Variants in SLC12A2 observed in about 807,000 individuals in gnomAD.
SLC12A2 encodes solute carrier family 12 member 2.
In SLC12A2, 67 loss-of-function variants were observed where a neutral mutation model predicts 136.3. The observed-to-expected ratio is 0.49, with a 90% CI of 0.40 to 0.60. SLC12A2 has a LOEUF of 0.60. Ranked by LOEUF, SLC12A2 falls within the 20% of genes least tolerant of loss-of-function variation. The pLI, the probability that SLC12A2 is intolerant of heterozygous loss-of-function variation, is 0.00. For missense variants in SLC12A2, 1,322 were observed against 1,534.7 expected (o/e 0.86, Z 2.32); for synonymous variants, 619 against 562.9 (o/e 1.10, Z -1.41).
At chr5:128,148,179 A>G (rs1031202371) in intron 11 of SLC12A2, among the ~76,000 whole-genome samples, 3 of 151,802 alleles carry the variant, frequency 2.0e-5, no homozygotes, top group African/African-American at 4.8e-5. Context: ...GATGATGTAT[A>G]GGATAGACAT....
intron 10 of SLC12A2, among the ~76,000 whole-genome samples, chr5:128,142,690 G>A (rs1191965304): frequency 6.6e-6 from 1 of 152,042 alleles, no homozygotes; most frequent in Non-Finnish European, 1.5e-5. Flanking sequence ...CCTTGTGCCA[G>A]TACCACACAT....
intron 1 of SLC12A2, among the ~76,000 whole-genome samples, chr5:128,103,271 A>G (rs1231407244): frequency 1.3e-5 from 2 of 152,226 alleles, no homozygotes; most frequent in Non-Finnish European, 2.9e-5. Context: ...CTTCTCAGAC[A>G]GTATGGAGTG....
chr5:128,176,202 A>G (rs1763536515), intron 20 of SLC12A2, among the ~76,000 whole-genome samples: 1 of 152,084 alleles, frequency 6.6e-6, no homozygotes, highest in Non-Finnish European at 1.5e-5. Flanking sequence ...AGTTCAGTGC[A>G]TTAATACTTG....
intron 4 of SLC12A2, among the ~76,000 whole-genome samples, chr5:128,115,310 A>C (rs1350901800): frequency 1.3e-5 from 2 of 152,088 alleles, no homozygotes; most frequent in East Asian, 3.9e-4. Context: ...TTTTTAGTAG[A>C]GATGGCGTTT....
At chr5:128,090,789 G>A (rs1429816540) in intron 1 of SLC12A2, among the ~76,000 whole-genome samples, 3 of 152,160 alleles carry the variant, frequency 2.0e-5, no homozygotes, top group African/African-American at 4.8e-5. Context: ...ACCCTGAGAT[G>A]GGAGTGTGCT....
chr5:128,121,538 G>A (rs1761579498), intron 4 of SLC12A2, among the ~76,000 whole-genome samples: 1 of 151,996 alleles, frequency 6.6e-6, no homozygotes, highest in Non-Finnish European at 1.5e-5. Flanking sequence ...GAGCCAGGAT[G>A]GTCTCGATCT....
intron 17 of SLC12A2, 52 bp from the exon 18 acceptor site, chr5:128,167,709 C>A: frequency 7.7e-7 from 1 of 1,301,892 alleles, no homozygotes; most frequent in Non-Finnish European, 1.1e-6. Context: ...CTTCAGAAAA[C>A]ATTTTGTTGA....
At chr5:128,108,915 A>C (rs1761040405) in intron 1 of SLC12A2, among the ~76,000 whole-genome samples, 1 of 152,200 alleles carries the variant, frequency 6.6e-6, no homozygotes, top group African/African-American at 2.4e-5. Flanking sequence ...AGTACAGTAA[A>C]ATAATCATTG....
chr5:128,103,610 G>T (rs1172665554), intron 1 of SLC12A2, among the ~76,000 whole-genome samples: 1 of 152,138 alleles, frequency 6.6e-6, no homozygotes, highest in African/African-American at 2.4e-5. Flanking sequence ...TATGATATGT[G>T]TCATGAAAGA....
At position 128,171,719 on chromosome 5, in the gene SLC12A2, C is replaced by A. The variant is rs1325423978; in HGVS notation, c.2776C>A (p.Leu926Met). The A allele has an allele frequency of 6.3e-7, 1 of 1,584,450 alleles. No homozygotes were observed. Among genetic ancestry groups the A allele is most frequent in the South Asian group, 1.2e-5 (1 of 85,542 alleles). Residue 926 changes from leucine (L) to methionine (M), a missense_variant, in exon 19 of 27, where the codon CTG (leucine) becomes ATG (methionine). Coordinates refer to ENST00000262461, the MANE Select transcript of SLC12A2 (RefSeq NM_001046.3). ...GVVVIRLKEG[L>M]DISHLQGQEE... ...AGTGGTTATTCGCCTAAAAGAAGGTCTGGATATATCTCATCTTCAAGGACA... is the reference window on the plus strand; with the variant it reads ...AGTGGTTATTCGCCTAAAAGAAGGTATGGATATATCTCATCTTCAAGGACA...
At chr5:128,142,956 T>C (rs1461148755) in intron 10 of SLC12A2, among the ~76,000 whole-genome samples, 1 of 151,224 alleles carries the variant, frequency 6.6e-6, no homozygotes, top group Admixed American at 6.6e-5. Flanking sequence ...TCTGAGATTT[T>C]GGTGCCCCTA....
chr5:128,147,329 GC>G (rs1762559416), intron 10 of SLC12A2, among the ~76,000 whole-genome samples: 1 of 151,602 alleles, frequency 6.6e-6, no homozygotes, highest in South Asian at 2.1e-4. Flanking sequence ...GTGGGGAATA[GC>G]CCTAAGTTGA....
At chr5:128,166,607 A>AT (rs1326158317) in intron 17 of SLC12A2, among the ~76,000 whole-genome samples, 2 of 152,072 alleles carry the variant, frequency 1.3e-5, no homozygotes, top group African/African-American at 4.8e-5. Flanking sequence ...CAATATCTAG[A>AT]ATAGGCAGAT....
chr5:128,131,427 G>C (rs933169551), intron 5 of SLC12A2, among the ~76,000 whole-genome samples: 25 of 152,074 alleles, frequency 1.6e-4, no homozygotes, highest in Non-Finnish European at 2.9e-4. Context: ...ACTATGGGAG[G>C]CCGAGGCGAG....
chr5:128,151,151 C>A, intron 13 of SLC12A2, 90 bp from the exon 14 acceptor site: 1 of 1,149,012 alleles, frequency 8.7e-7, no homozygotes, highest in Non-Finnish European at 1.2e-6. Context: ...GTGTGGCAAC[C>A]ATAAAGAATG....
intron 4 of SLC12A2, among the ~76,000 whole-genome samples, chr5:128,116,588 A>C (rs1761360252): frequency 6.6e-6 from 1 of 152,130 alleles, no homozygotes; most frequent in Non-Finnish European, 1.5e-5. Context: ...AAGAACCTAG[A>C]GGGTAAAAAC....
rs1762235796 is a variant in SLC12A2 at position 128,137,878 on chromosome 5, A to G, written c.1409-719A>G. 1.3e-5 allele frequency among the ~76,000 whole-genome samples: 2 copies of G among 152,142 alleles called. 1 individual carries two copies. Among genetic ancestry groups the G allele is most frequent in the South Asian group, 4.1e-4 (2 of 4,820 alleles). ...GGACCAAAATCTATACAGATAGTAAAGTAAGTTGGAAGCTATCAAAAAGTT... is the reference window on the plus strand; with the variant it reads ...GGACCAAAATCTATACAGATAGTAAGGTAAGTTGGAAGCTATCAAAAAGTT... On this transcript the variant is annotated intron_variant, in intron 7 of 26. Coordinates refer to ENST00000262461, the MANE Select transcript of SLC12A2 (RefSeq NM_001046.3).
At chr5:128,119,161 C>T (rs142652212) in intron 4 of SLC12A2, among the ~76,000 whole-genome samples, 38 of 151,644 alleles carry the variant, frequency 2.5e-4, no homozygotes, top group East Asian at 1.6e-3. Context: ...TTAGAGAGGA[C>T]GGTAATAGAG....
chr5:128,140,270 A>T (rs1049708081), intron 9 of SLC12A2, among the ~76,000 whole-genome samples: 2 of 152,150 alleles, frequency 1.3e-5, no homozygotes, highest in Non-Finnish European at 2.9e-5. Context: ...AAGTGCTGGG[A>T]TTACAGGTGT....
Sources: gnomAD v4.1 joint callset for allele counts (sites outside exome capture counted in the v4.1 genomes callset) on GRCh38, gnomAD v4.1.1 for gene constraint, MANE v1.5 for transcripts, NCBI Gene and HGNC (gene_info 2026-07-23, HGNC 2026-07-21) for gene names.